BCL11B: variants seen among roughly 807,000 people sequenced by gnomAD.
BCL11B encodes the protein BCL11 transcription factor B.
A neutral mutation model predicts 49.9 loss-of-function variants in BCL11B; 8 were observed. The ratio of observed to expected loss-of-function variants is 0.16; its 90% confidence interval spans 0.09 to 0.29. The LOEUF is 0.29. BCL11B is among the 10% of genes least tolerant of loss of function. The probability of loss-of-function intolerance (pLI) is 1.00; values close to 1 mark genes in which losing one functional copy is unlikely to be tolerated. For synonymous variants in BCL11B, 739 were observed against 637.4 expected (o/e 1.16, Z -2.40); for missense variants, 1,006 against 1,351.0 (o/e 0.74, Z 4.00).
At chr14:99,190,226 C>T (rs1425719567) in intron 3 of BCL11B, among the ~76,000 whole-genome samples, 1 of 152,206 alleles carries the variant, frequency 6.6e-6, no homozygotes, top group African/African-American at 2.4e-5. Context: ...CGGTGGCTCA[C>T]GCCTGTAATC....
intron 2 of BCL11B, among the ~76,000 whole-genome samples, chr14:99,239,803 A>C (rs184478817): frequency 5.3e-5 from 8 of 152,220 alleles, no homozygotes; most frequent in African/African-American, 1.9e-4. Flanking sequence ...ATGAACTCCA[A>C]TGCTGGCTTT....
rs913294803 is a variant in BCL11B at position 99,262,781 on chromosome 14, G to A, written c.59-4942C>T. 6.6e-6 allele frequency among the ~76,000 whole-genome samples: 1 copy of A among 151,992 alleles called. No individual in the cohort carries two copies. Among genetic ancestry groups the A allele is most frequent in the African/African-American group, 2.4e-5 (1 of 41,368 alleles). On this transcript the variant is annotated intron_variant, in intron 1 of 3. Transcript: ENST00000357195. The surrounding 1 kb of genome is among the most constrained non-coding windows in gnomAD (Gnocchi z 4.2). ...CGGAAACGCCACCACACGCACACTC[G>A]ACGGAGCACAACACTTTCTGAGCTG...
In BCL11B at chr14:99,257,593, G is replaced by A. The variant is rs887339908; in HGVS notation, c.305C>T (p.Ser102Leu). 8 of 1,614,116 alleles carry A rather than the reference G, an allele frequency of 5.0e-6. No individual in the cohort carries two copies. The highest frequency in any genetic ancestry group is 3.3e-5 in the Admixed American group (2 of 60,026). ...GGACACTTTCCTGAGCTCGGAGCGT[G>A]AGGAGGGTGGCGGGCTGTCCTTGTC... ...ALDKDSPPPSSRSELRKVSEP... is the reference protein window; with the variant it reads ...ALDKDSPPPSLRSELRKVSEP... The change falls in exon 2 of 4, where the codon TCA becomes TTA. Residue 102 changes from serine to leucine, a missense_variant. Physicochemically the swap from Ser to Leu is moderately radical, Grantham distance 145. Around this residue, in one of 6 missense-constraint regions of BCL11B, gnomAD observed 411 missense variants for 542.2 expected, o/e 0.76. Coordinates refer to ENST00000357195, the MANE Select transcript of BCL11B (RefSeq NM_138576.4). This position sits in a 1 kb window ranked among gnomAD's most constrained non-coding sequence, Gnocchi z 6.2.
intron 3 of BCL11B, among the ~76,000 whole-genome samples, chr14:99,220,161 T>C (rs576343591): frequency 6.6e-6 from 1 of 152,200 alleles, no homozygotes; most frequent in Non-Finnish European, 1.5e-5. Context: ...TAAAACAGCG[T>C]AGCCACTATA....
chr14:99,253,525 T>A (rs939696017), intron 2 of BCL11B, among the ~76,000 whole-genome samples: 20 of 152,144 alleles, frequency 1.3e-4, no homozygotes, highest in East Asian at 9.7e-4. Flanking sequence ...GCACTCATCA[T>A]AAATGTCACA....
At chr14:99,264,626 A>T (rs1372979794) in intron 1 of BCL11B, 1 of 152,176 alleles carries the variant, frequency 6.6e-6, no homozygotes, top group Non-Finnish European at 1.5e-5. Flanking sequence ...AAAAAGAAAA[A>T]AGAATGAATT....
rs1888372635 is a variant in BCL11B, at chr14:99,232,660, A to C, written c.428-1103T>G. Among the ~76,000 whole-genome samples, 1 of 152,220 alleles carries C rather than the reference A, an allele frequency of 6.6e-6. No individual in the cohort carries two copies. Among genetic ancestry groups the C allele is most frequent in the African/African-American group, 2.4e-5 (1 of 41,460 alleles). On this transcript the variant is annotated intron_variant, in intron 2 of 3. Coordinates refer to ENST00000357195, the MANE Select transcript of BCL11B (RefSeq NM_138576.4). The surrounding 1 kb of genome is among the most constrained non-coding windows in gnomAD (Gnocchi z 5.1). ...AGCCACCAGGAGCCAGGAGCCTGTC[A>C]GTCTTCATTGGACTGAACTTCCTAA...
In BCL11B at chr14:99,169,708, G is replaced by T; in HGVS notation, c.*4443C>A. 1 of 222,254 alleles carries T rather than the reference G, an allele frequency of 4.5e-6. No individual in the cohort carries two copies. Among genetic ancestry groups the T allele is most frequent in the Non-Finnish European group, 9.0e-6 (1 of 110,838 alleles). 13.8% of individuals were successfully genotyped at this position (222,254 alleles called of 1,614,324 possible). A position where few individuals can be genotyped will look rare whatever the true frequency, so the allele number is the denominator to read the frequency against. ...TAAATCAATGGGACTTTGCTTTGCA[G>T]GGCTGAGTTACAAGGAGCACCAAAA... On this transcript the variant is annotated 3_prime_UTR_variant, in exon 4 of 4. Coordinates refer to ENST00000357195, the MANE Select transcript of BCL11B (RefSeq NM_138576.4).
In BCL11B at chr14:99,195,913, G is replaced by A. The variant is rs1020807499; in HGVS notation, c.641-19718C>T. ...GTCTGCACCCGCCCCTTGTGTCTGC[G>A]CGGCACAGTGAGAACTGACATTTCT... On this transcript the variant is annotated intron_variant, in intron 3 of 3. Transcript: ENST00000357195. The surrounding 1 kb of genome is among the most constrained non-coding windows in gnomAD (Gnocchi z 4.7). 6.6e-6 allele frequency among the ~76,000 whole-genome samples: 1 copy of A among 152,088 alleles called. No homozygotes were observed.
rs1323130707 is a variant in BCL11B, at chr14:99,195,019, C to T, written c.641-18824G>A. ...TCACCTTAGCACAGAGCCATCTCCC[C>T]CAGGTGCACAGATGGGAAAACGAAG... On this transcript the variant is annotated intron_variant, in intron 3 of 3. Coordinates refer to ENST00000357195, the MANE Select transcript of BCL11B (RefSeq NM_138576.4). The surrounding 1 kb of genome is among the most constrained non-coding windows in gnomAD (Gnocchi z 4.7). Among the ~76,000 whole-genome samples, 1 of 152,168 alleles carries T rather than the reference C, an allele frequency of 6.6e-6. No homozygotes were observed.
Position 99,173,115 on chromosome 14 carries a change from C to T in BCL11B, c.*1036G>A. ...TTAAAAAAAGAGAGAAGCCGTCAAGCCAGAAAACGCCTAAAAGAACACCGC... is the reference window on the plus strand; with the variant it reads ...TTAAAAAAAGAGAGAAGCCGTCAAGTCAGAAAACGCCTAAAAGAACACCGC... On this transcript the variant is annotated 3_prime_UTR_variant, in exon 4 of 4. Coordinates refer to ENST00000357195, the MANE Select transcript of BCL11B (RefSeq NM_138576.4). The T allele has an allele frequency of 4.3e-6, 1 of 230,558 alleles. No homozygotes were observed. Among genetic ancestry groups the T allele is most frequent in the Middle Eastern group, 1.3e-3 (1 of 768 alleles). The allele number at this position is 230,558 out of a possible 1,614,324, so 14.3% of individuals were successfully genotyped here. A position where few individuals can be genotyped will look rare whatever the true frequency, so the allele number is the denominator to read the frequency against.
At chr14:99,189,983 G>A (rs1366975709) in intron 3 of BCL11B, among the ~76,000 whole-genome samples, 3 of 152,194 alleles carry the variant, frequency 2.0e-5, no homozygotes, top group Non-Finnish European at 4.4e-5. Flanking sequence ...AAGCAGGGGT[G>A]TGGGCCGAGC....
rs1887114105 is a variant in BCL11B, at chr14:99,194,116, C to T, written c.641-17921G>A. ...GAATGTCGTGAGAAACGTGCATGAC[C>T]CCACACATGAATTCTCCCAAACATG... On this transcript the variant is annotated intron_variant, in intron 3 of 3. Transcript: ENST00000357195. The surrounding 1 kb of genome is among the most constrained non-coding windows in gnomAD (Gnocchi z 4.6). Among the ~76,000 whole-genome samples, 1 of 152,112 alleles carries T rather than the reference C, an allele frequency of 6.6e-6. No homozygotes were observed. Among genetic ancestry groups the T allele is most frequent in the Admixed American group, 6.5e-5 (1 of 15,276 alleles).
chr14:99,268,662 G>C (rs1353414548), intron 1 of BCL11B, among the ~76,000 whole-genome samples: 1 of 152,068 alleles, frequency 6.6e-6, no homozygotes, highest in Non-Finnish European at 1.5e-5. Flanking sequence ...ACACAGGACA[G>C]ACGAAAAGCC....
chr14:99,246,727 A>T (rs55725033), intron 2 of BCL11B, among the ~76,000 whole-genome samples: 5 of 152,116 alleles, frequency 3.3e-5, no homozygotes, highest in Non-Finnish European at 7.3e-5. Flanking sequence ...GGGCCTGAAG[A>T]CCCCTCGGGC....
In BCL11B at chr14:99,174,753, C is replaced by T; in HGVS notation, c.2083G>A (p.Glu695Lys). ...AKRIKVEKDL[E>K]LPPAALIPSE... ...GGGATGAGCGCGGCGGGCGGCAGCT[C>T]CAGGTCCTTCTCCACCTTGATGCGC... Residue 695 changes from glutamate (E) to lysine (K), a missense_variant, in exon 4 of 4, where the codon GAG becomes AAG. Physicochemically the swap from Glu to Lys is moderately conservative, Grantham distance 56. Transcript: ENST00000357195. The T allele has an allele frequency of 6.6e-7, 1 of 1,510,624 alleles. No individual in the cohort carries two copies. Among genetic ancestry groups the T allele is most frequent in the Non-Finnish European group, 8.9e-7 (1 of 1,129,848 alleles). 93.6% of individuals were successfully genotyped at this position (1,510,624 alleles called of 1,614,324 possible). A position where few individuals can be genotyped will look rare whatever the true frequency, so the allele number is the denominator to read the frequency against.
intron 3 of BCL11B, among the ~76,000 whole-genome samples, chr14:99,212,513 G>C (rs1887716648): frequency 6.6e-6 from 1 of 152,138 alleles, no homozygotes; most frequent in Non-Finnish European, 1.5e-5. Flanking sequence ...CTCCGCCTGG[G>C]CCTATGGGGA....
intron 2 of BCL11B, among the ~76,000 whole-genome samples, chr14:99,235,039 C>T (rs563733434): frequency 6.6e-6 from 1 of 152,272 alleles, no homozygotes; most frequent in Non-Finnish European, 1.5e-5. Flanking sequence ...CTGCTCCGTT[C>T]CTCACACATG....
chr14:99,257,486 G>C lies in BCL11B; in HGVS notation c.412C>G (p.Gln138Glu). 6.2e-7 allele frequency: 1 copy of C among 1,604,596 alleles called. No individual in the cohort carries two copies. The change falls in exon 2 of 4, where the codon CAG becomes GAG. Residue 138 changes from glutamine (Q) to glutamate (E), a missense_variant. By Grantham distance (29) the Gln-to-Glu change is conservative. Coordinates refer to ENST00000357195, the MANE Select transcript of BCL11B (RefSeq NM_138576.4). This position sits in a 1 kb window ranked among gnomAD's most constrained non-coding sequence, Gnocchi z 6.2. ...LSPTKGICPKQENIAGPCRPA... is the reference protein window; with the variant it reads ...LSPTKGICPKEENIAGPCRPA... ...CATCCCATACCTGCAATGTTCTCCTGCTTGGGACAGATGCCTTTCGTGGGT... is the reference window on the plus strand; with the variant it reads ...CATCCCATACCTGCAATGTTCTCCTCCTTGGGACAGATGCCTTTCGTGGGT...
Sources: allele counts gnomAD v4.1 joint callset (sites outside exome capture counted in the v4.1 genomes callset), GRCh38; gene constraint gnomAD v4.1.1; regional missense constraint gnomAD v4.1.1; non-coding constraint Gnocchi (gnomAD v3.1); transcripts MANE v1.5; gene names NCBI Gene and HGNC (gene_info 2026-07-23, HGNC 2026-07-21).